FARS2: variants seen among roughly 807,000 people sequenced by gnomAD.
The protein encoded by FARS2 is phenylalanyl-tRNA synthetase 2, mitochondrial, also known as phenylalanine--tRNA ligase, mitochondrial.
In FARS2, 40 loss-of-function variants were observed where a neutral mutation model predicts 46.4. That is an observed-to-expected ratio of 0.86 (90% CI 0.67 to 1.12). The LOEUF is 1.12. FARS2 is among the 50% of genes most tolerant of loss of function. The probability of loss-of-function intolerance (pLI) is 0.00; values close to 1 mark genes in which losing one functional copy is unlikely to be tolerated. For synonymous variants in FARS2, 234 were observed against 214.9 expected, an observed-to-expected ratio of 1.09 and a Z score of -0.78; for missense variants, 513 against 567.9, an observed-to-expected ratio of 0.90 and a Z score of 0.98.
chr6:5,475,662 G>A (rs1407790666), intron 4 of FARS2, among the ~76,000 whole-genome samples: 2 of 152,112 alleles, frequency 1.3e-5, no homozygotes, highest in Non-Finnish European at 2.9e-5. Context: ...CCTCACTCCT[G>A]TAGTCACACT....
intron 4 of FARS2, among the ~76,000 whole-genome samples, chr6:5,485,824 A>G (rs1410211190): frequency 6.6e-6 from 1 of 152,120 alleles, no homozygotes; most frequent in Non-Finnish European, 1.5e-5. Context: ...AATGAATTAG[A>G]ATTCGGTACC....
intron 1 of FARS2, among the ~76,000 whole-genome samples, chr6:5,308,536 G>A (rs1313305092): frequency 5.3e-5 from 8 of 152,188 alleles, no homozygotes; most frequent in African/African-American, 9.6e-5. Flanking sequence ...TAAGAAACAC[G>A]GATTACCGGA....
At chr6:5,759,549 A>G (rs1288612950) in intron 6 of FARS2, among the ~76,000 whole-genome samples, 3 of 152,126 alleles carry the variant, frequency 2.0e-5, no homozygotes, top group African/African-American at 7.2e-5. Context: ...AATTGAGTGG[A>G]TGCATGAATG....
intron 6 of FARS2, among the ~76,000 whole-genome samples, chr6:5,666,431 C>G (rs1019772701): frequency 6.6e-6 from 1 of 152,098 alleles, no homozygotes; most frequent in African/African-American, 2.4e-5. Flanking sequence ...AGGAGAGCAG[C>G]CAGCCTGACT....
chr6:5,714,610 C>A (rs1243048421), intron 6 of FARS2, among the ~76,000 whole-genome samples: 2 of 152,140 alleles, frequency 1.3e-5, no homozygotes, highest in Non-Finnish European at 2.9e-5. Context: ...TTAGAGCCAA[C>A]AAAGGAAGAC....
chr6:5,709,542 T>TAA (rs149241969), intron 6 of FARS2, among the ~76,000 whole-genome samples: 1 of 149,594 alleles, frequency 6.7e-6, no homozygotes, highest in African/African-American at 2.4e-5. Flanking sequence ...TTCCTGGATT[T>TAA]AAAAAAAAAA....
At chr6:5,493,614 C>G (rs79355406) in intron 4 of FARS2, among the ~76,000 whole-genome samples, 1 of 152,108 alleles carries the variant, frequency 6.6e-6, no homozygotes, top group East Asian at 1.9e-4. Context: ...ACTAGCTCTG[C>G]GACATTGGAC....
rs1347983227 is a variant in FARS2 at position 5,471,802 on chromosome 6, C to A, written c.904+40630C>A. ...CACCAGTGCACATGGTGCGCCCCGTCTGACACCAGGGCGACTTGAGAATTG... is the reference window on the plus strand; with the variant it reads ...CACCAGTGCACATGGTGCGCCCCGTATGACACCAGGGCGACTTGAGAATTG... On this transcript the variant is annotated intron_variant, in intron 4 of 6. Transcript: ENST00000274680. This position sits in a 1 kb window ranked among gnomAD's most constrained non-coding sequence, Gnocchi z 4.1. 6.6e-6 allele frequency among the ~76,000 whole-genome samples: 1 copy of A among 152,206 alleles called. No individual in the cohort carries two copies. The highest frequency in any genetic ancestry group is 1.5e-5 in the Non-Finnish European group (1 of 68,030).
intron 4 of FARS2, among the ~76,000 whole-genome samples, chr6:5,444,284 T>A (rs4628147): frequency 6.6e-6 from 1 of 151,842 alleles, no homozygotes; most frequent in Non-Finnish European, 1.5e-5. Context: ...CTGACCAACA[T>A]GGTGAAGCCC....
chr6:5,278,256 C>T (rs1362619828), intron 1 of FARS2, among the ~76,000 whole-genome samples: 3 of 152,146 alleles, frequency 2.0e-5, no homozygotes, highest in Admixed American at 6.5e-5. Flanking sequence ...CTCTCCTCAC[C>T]CCTAGGGACA....
rs11400105 is a variant in FARS2 at position 5,481,810 on chromosome 6, A to ACC, written c.904+50643_904+50644dup. Among the ~76,000 whole-genome samples the ACC allele has an allele frequency of 2.1e-4, 32 of 151,572 alleles. 1 individual carries two copies. The highest frequency in any genetic ancestry group is 1.7e-3 in the Admixed American group (26 of 15,264). The stretch of plus-strand genomic sequence containing the variant: ...ATTGGAATGGCAGGCTGTTAAAAAG[A>ACC]CCCCCCTTGCTTCCAGATCCACTCT... On this transcript the variant is annotated intron_variant, in intron 4 of 6. Coordinates refer to ENST00000274680, the MANE Select transcript of FARS2 (RefSeq NM_006567.5).
At chr6:5,491,401 C>T (rs894821056) in intron 4 of FARS2, among the ~76,000 whole-genome samples, 3 of 152,166 alleles carry the variant, frequency 2.0e-5, no homozygotes, top group East Asian at 3.9e-4. Context: ...GTAAGTCTTG[C>T]GGTAACTTTC....
At chr6:5,322,462 T>C (rs1304371349) in intron 1 of FARS2, among the ~76,000 whole-genome samples, 1 of 152,226 alleles carries the variant, frequency 6.6e-6, no homozygotes, top group Non-Finnish European at 1.5e-5. Flanking sequence ...TTGAGTAGTT[T>C]TTTTTTAACC....
intron 1 of FARS2, among the ~76,000 whole-genome samples, chr6:5,325,069 C>G (rs2127570559): frequency 6.6e-6 from 1 of 152,254 alleles, no homozygotes; most frequent in Middle Eastern, 3.4e-3. Context: ...TAAAACCTTC[C>G]TTTTTGGTTT....
intron 6 of FARS2, among the ~76,000 whole-genome samples, chr6:5,647,333 T>G (rs1273960503): frequency 6.6e-6 from 1 of 152,190 alleles, no homozygotes; most frequent in African/African-American, 2.4e-5. Context: ...GTTTGTTGAC[T>G]GCATTGGTCC....
intron 5 of FARS2, among the ~76,000 whole-genome samples, chr6:5,550,248 T>C (rs1771290793): frequency 6.6e-6 from 1 of 152,246 alleles, no homozygotes; most frequent in Non-Finnish European, 1.5e-5. Flanking sequence ...CCTGTATTTC[T>C]ACCCTCTAAA....
chr6:5,766,846 G>A (rs540678207), intron 6 of FARS2, among the ~76,000 whole-genome samples: 1 of 151,970 alleles, frequency 6.6e-6, no homozygotes, highest in African/African-American at 2.4e-5. Flanking sequence ...CCATCAGTCT[G>A]CCTTCTATCT....
intron 4 of FARS2, among the ~76,000 whole-genome samples, chr6:5,520,601 T>G (rs1419851144): frequency 6.6e-6 from 1 of 152,186 alleles, no homozygotes; most frequent in Non-Finnish European, 1.5e-5. Context: ...CTACCCTCCT[T>G]CCTCTGTCAT....
Position 5,765,045 on chromosome 6 carries a change from T to C in FARS2, c.1218-6246T>C, listed in dbSNP as rs1489526715. Among the ~76,000 whole-genome samples, 7 of 152,198 alleles carry C rather than the reference T, an allele frequency of 4.6e-5. No individual in the cohort carries two copies. Among genetic ancestry groups the C allele is most frequent in the Non-Finnish European group, 8.8e-5 (6 of 68,022 alleles). The stretch of plus-strand genomic sequence containing the variant: ...TTTTAAACATTTATAGTTTTGAGAA[T>C]GCTTCACTGATCCAGCCCTGACTAT... On this transcript the variant is annotated intron_variant, in intron 6 of 6. Transcript: ENST00000274680. The surrounding 1 kb of genome is among the most constrained non-coding windows in gnomAD (Gnocchi z 4.0).
Sources: allele counts gnomAD v4.1 joint callset (sites outside exome capture counted in the v4.1 genomes callset), GRCh38; gene constraint gnomAD v4.1.1; non-coding constraint Gnocchi (gnomAD v3.1); transcripts MANE v1.5; gene names NCBI Gene and HGNC (gene_info 2026-07-23, HGNC 2026-07-21).